The following TNS1 variants were observed in gnomAD, a reference collection of about 807,000 sequenced individuals.
TNS1 encodes tensin 1.
In TNS1, 62 loss-of-function variants were observed where a neutral mutation model predicts 168.6. That is an observed-to-expected ratio of 0.37 (90% confidence interval 0.30 to 0.45). The LOEUF is 0.45. Among genes scored for constraint, TNS1 ranks in the 20% least tolerant of loss-of-function variants. TNS1 has a pLI of 1.00. For missense variants in TNS1, 2,240 were observed against 2,339.4 expected, an observed-to-expected ratio of 0.96 and a Z score of 0.88; for synonymous variants, 934 against 933.2, an observed-to-expected ratio of 1.00 and a Z score of -0.02.
intron 1 of TNS1, among the ~76,000 whole-genome samples, chr2:218,024,712 C>A (rs1958837933): frequency 6.6e-6 from 1 of 152,152 alleles, no homozygotes; most frequent in South Asian, 2.1e-4. Flanking sequence ...GTGAAGCTGC[C>A]CATCCTCCCG....
At position 217,848,230 on chromosome 2, in the gene TNS1, T is replaced by G; in HGVS notation, c.2287A>C (p.Ser763Arg). ...QLPPAPVRGG[S>R]SREAVQRGLN... ...CCCCTTTGCACAGCCTCCCGGCTGC[T>G]TCCCCCTCGGACCGGAGCTGGGGGC... Residue 763 changes from serine to arginine, a missense_variant, in exon 19 of 33, where the codon AGC becomes CGC. This residue lies in a region of TNS1 where 2,131 missense variants were observed against 2,171.2 expected (regional missense o/e 0.98). Transcript: ENST00000682258. The G allele has an allele frequency of 1.3e-6, 2 of 1,578,214 alleles. No individual in the cohort carries two copies. The highest frequency in any genetic ancestry group is 2.2e-5 in the East Asian group (1 of 44,652).
intron 3 of TNS1, among the ~76,000 whole-genome samples, chr2:217,927,168 T>A (rs956376841): frequency 1.3e-5 from 2 of 151,910 alleles, no homozygotes; most frequent in Non-Finnish European, 1.5e-5. Context: ...GTGGATAAGG[T>A]TTTGAAAGGT....
Position 217,812,470 on chromosome 2 carries a change from A to G in TNS1, c.4955-25T>C, listed in dbSNP as rs371748557. ...CCTGTAGGGAGGCAGACGGCATGTC[A>G]TGGGCAGTGATACTGGAAGCCAGAA... On this transcript the variant is annotated intron_variant, in intron 27 of 32. Coordinates refer to ENST00000682258, the MANE Select transcript of TNS1 (RefSeq NM_001387777.1). 441 of 1,604,838 alleles carry G rather than the reference A, an allele frequency of 2.7e-4. 1 individual carries two copies. The highest frequency in any genetic ancestry group is 3.7e-4 in the Non-Finnish European group (437 of 1,172,150).
At chr2:217,939,017 G>C (rs753292879) in intron 3 of TNS1, among the ~76,000 whole-genome samples, 2 of 152,048 alleles carry the variant, frequency 1.3e-5, no homozygotes, top group Non-Finnish European at 2.9e-5. Flanking sequence ...CAAGACAAGA[G>C]AGAGAGAACT....
At chr2:217,886,325 C>A (rs550976356) in intron 13 of TNS1, among the ~76,000 whole-genome samples, 2 of 152,340 alleles carry the variant, frequency 1.3e-5, no homozygotes, top group South Asian at 2.1e-4. Flanking sequence ...AAAAACATTG[C>A]CCATCCAACA....
At chr2:217,883,637 G>A (rs1950891330) in intron 16 of TNS1, among the ~76,000 whole-genome samples, 1 of 152,182 alleles carries the variant, frequency 6.6e-6, no homozygotes, top group South Asian at 2.1e-4. Flanking sequence ...GAGGAAATCT[G>A]TGACCCTTCC....
intron 3 of TNS1, among the ~76,000 whole-genome samples, chr2:217,933,362 C>T (rs1956426027): frequency 6.6e-6 from 1 of 152,148 alleles, no homozygotes; most frequent in Admixed American, 6.5e-5. Context: ...ACACTGCAGC[C>T]CTGCATACAC....
At chr2:217,829,574 G>A (rs1196319751) in intron 22 of TNS1, among the ~76,000 whole-genome samples, 7 of 152,190 alleles carry the variant, frequency 4.6e-5, no homozygotes, top group Non-Finnish European at 7.3e-5. Context: ...CAAGAGGAGC[G>A]TTTTGGTCAA....
intron 3 of TNS1, among the ~76,000 whole-genome samples, chr2:217,927,806 T>A (rs768584822): frequency 2.6e-5 from 4 of 152,174 alleles, no homozygotes; most frequent in Non-Finnish European, 4.4e-5. Flanking sequence ...TGCCTGCTGT[T>A]CACCCTCTGG....
rs756764081 is a variant in TNS1, at chr2:217,893,557, A to T, written c.599T>A (p.Leu200Gln). 31 of 1,609,178 alleles carry T rather than the reference A, an allele frequency of 1.9e-5. No homozygotes were observed. Among genetic ancestry groups the T allele is most frequent in the Non-Finnish European group, 2.5e-5 (30 of 1,178,056 alleles). ...PDITKLHAKV[L>Q]EFGWPDLHTP... ...GTGGAGGTCGGGCCAGCCAAATTCCAGTACCTGTGGCCCAAGCCATGAGTG... is the reference window on the plus strand; with the variant it reads ...GTGGAGGTCGGGCCAGCCAAATTCCTGTACCTGTGGCCCAAGCCATGAGTG... Residue 200 changes from leucine (L) to glutamine (Q), a missense_variant, in exon 10 of 33, where the codon CTG becomes CAG. Leu to Gln is a moderately radical substitution (Grantham distance 113). Coordinates refer to ENST00000682258, the MANE Select transcript of TNS1 (RefSeq NM_001387777.1).
chr2:218,030,281 G>A (rs1427664737), intron 1 of TNS1, among the ~76,000 whole-genome samples: 1 of 152,192 alleles, frequency 6.6e-6, no homozygotes, highest in Non-Finnish European at 1.5e-5. Flanking sequence ...CACCTGGAAT[G>A]CTTCTTCCTC....
At chr2:217,991,551 A>G (rs1958366443) in intron 1 of TNS1, among the ~76,000 whole-genome samples, 2 of 152,038 alleles carry the variant, frequency 1.3e-5, no homozygotes, top group Admixed American at 1.3e-4. Context: ...CCTCCTCAAG[A>G]TGGAATTATC....
chr2:217,885,458 G>C (rs1464620808), intron 15 of TNS1, among the ~76,000 whole-genome samples: 2 of 152,252 alleles, frequency 1.3e-5, no homozygotes, highest in Non-Finnish European at 2.9e-5. Flanking sequence ...AGGAAGAACT[G>C]AAGCTAGAAT....
At chr2:217,903,481 A>G in intron 6 of TNS1, 1 of 1,314,880 alleles carries the variant, frequency 7.6e-7, no homozygotes, top group Non-Finnish European at 1.0e-6. Flanking sequence ...CTCTCCGGGG[A>G]TCACAAATCA....
At chr2:217,944,379 G>A (rs530911773) in intron 3 of TNS1, among the ~76,000 whole-genome samples, 45 of 152,242 alleles carry the variant, frequency 3.0e-4, no homozygotes, top group African/African-American at 1.0e-3. Context: ...GTGGGGAAGC[G>A]GGCAGGGAGG....
rs572491940 is a variant in TNS1, at chr2:217,843,680, C to T, written c.3007+3830G>A. On this transcript the variant is annotated intron_variant, in intron 19 of 32. Coordinates refer to ENST00000682258, the MANE Select transcript of TNS1 (RefSeq NM_001387777.1). ...CTCTTCAGGCTGACACTGCTAATCTCCTGCCCTTCCTCCTTGAAACCCTTT... is the reference window on the plus strand; with the variant it reads ...CTCTTCAGGCTGACACTGCTAATCTTCTGCCCTTCCTCCTTGAAACCCTTT... Among the ~76,000 whole-genome samples the T allele has an allele frequency of 1.3e-4, 20 of 152,282 alleles. No homozygotes were observed. The South Asian group carries it at 2.9e-3, about 22-fold the overall frequency.
rs977895705 is a variant in TNS1, at chr2:217,936,355, G to A, written c.187-16119C>T. Among the ~76,000 whole-genome samples, 19 of 152,160 alleles carry A rather than the reference G, an allele frequency of 1.2e-4. No individual in the cohort carries two copies. The East Asian group carries it at 1.5e-3, about 12-fold the overall frequency. On this transcript the variant is annotated intron_variant, in intron 3 of 32. Transcript: ENST00000682258. ...TGCAGTTCATCCATCCCAGGGCTGC[G>A]TGTGAAGACTTGCCAAGGATGGCTC...
chr2:217,920,051 G>A (rs1033480582), intron 4 of TNS1, 144 bp downstream of exon 4: 6 of 661,400 alleles, frequency 9.1e-6, no homozygotes, highest in Middle Eastern at 2.4e-4. Flanking sequence ...GGCCCGCTTC[G>A]GCCCAGGGAG....
chr2:217,964,779 C>T (rs973096353), intron 3 of TNS1, among the ~76,000 whole-genome samples: 2 of 152,214 alleles, frequency 1.3e-5, no homozygotes, highest in Admixed American at 6.5e-5. Context: ...TGGACACCCT[C>T]GCTTGGGTGC....
Sources: allele counts gnomAD v4.1 joint callset (sites outside exome capture counted in the v4.1 genomes callset), GRCh38; gene constraint gnomAD v4.1.1; regional missense constraint gnomAD v4.1.1; transcripts MANE v1.5; gene names NCBI Gene and HGNC (gene_info 2026-07-23, HGNC 2026-07-21).